The following PDE1A variants were observed in gnomAD, a reference collection of about 807,000 sequenced individuals.
PDE1A encodes dual specificity calcium/calmodulin-dependent 3',5'-cyclic nucleotide phosphodiesterase 1A.
Under a neutral mutation model 61.7 loss-of-function variants are expected in PDE1A, and 35 were observed. That is an observed-to-expected ratio of 0.57 (90% CI 0.43 to 0.75). The LOEUF (loss-of-function observed/expected upper bound fraction) is 0.75. PDE1A is among the 30% of genes least tolerant of loss of function. The probability of loss-of-function intolerance (pLI) is 0.00; values close to 1 mark genes in which losing one functional copy is unlikely to be tolerated. For missense variants in PDE1A, 597 were observed against 630.6 expected, an observed-to-expected ratio of 0.95 and a Z score of 0.57; for synonymous variants, 232 against 213.2, an observed-to-expected ratio of 1.09 and a Z score of -0.77.
At chr2:182,255,898 T>G (rs1307112891) in intron 2 of PDE1A, among the ~76,000 whole-genome samples, 1 of 151,672 alleles carries the variant, frequency 6.6e-6, no homozygotes, top group Non-Finnish European at 1.5e-5. Context: ...CCTTGTGATC[T>G]GCTGACCTAA....
chr2:182,561,748 G>A, the PDE1A span, among the ~76,000 whole-genome samples: 5 of 151,906 alleles, frequency 3.3e-5, no homozygotes, highest in Non-Finnish European at 7.4e-5. Flanking sequence ...GTGGTTTGTA[G>A]TTCTCCTTGA....
chr2:182,166,130 C>T (rs1019431507), downstream of PDE1A, among the ~76,000 whole-genome samples: 1 of 152,024 alleles, frequency 6.6e-6, no homozygotes, highest in Non-Finnish European at 1.5e-5. Context: ...AAGGGGTAGA[C>T]TTGTGATGGG....
At chr2:182,250,673 T>C (rs140434644) in intron 2 of PDE1A, among the ~76,000 whole-genome samples, 96 of 152,122 alleles carry the variant, frequency 6.3e-4, no homozygotes, top group African/African-American at 2.2e-3. Flanking sequence ...TGTACATGAG[T>C]GACTATGAAG....
intron 2 of PDE1A, among the ~76,000 whole-genome samples, chr2:182,436,322 A>G (rs143445288): frequency 0.013 from 1,963 of 152,104 alleles, 27 homozygotes; most frequent in South Asian, 0.047. Flanking sequence ...TATCATTACT[A>G]TTAATTGTTC....
At chr2:182,232,469 C>CA (rs759762466) in intron 4 of PDE1A, among the ~76,000 whole-genome samples, 15 of 152,222 alleles carry the variant, frequency 9.9e-5, no homozygotes, top group Admixed American at 6.5e-4. Context: ...ATGCTAGAAC[C>CA]AAACTAAAAA....
At chr2:182,439,176 G>T (rs958698608) in intron 2 of PDE1A, among the ~76,000 whole-genome samples, 1 of 151,988 alleles carries the variant, frequency 6.6e-6, no homozygotes, top group Non-Finnish European at 1.5e-5. Flanking sequence ...AAGTATAATG[G>T]TAAGTTTATT....
chr2:182,307,357 C>T (rs1310650366), intron 1 of PDE1A, among the ~76,000 whole-genome samples: 3 of 152,082 alleles, frequency 2.0e-5, no homozygotes, highest in Non-Finnish European at 2.9e-5. Flanking sequence ...TCTCACAGGA[C>T]TGTGTTTTTG....
chr2:182,192,035 T>C (rs1190871058), intron 10 of PDE1A, among the ~76,000 whole-genome samples: 1 of 151,902 alleles, frequency 6.6e-6, no homozygotes, highest in Non-Finnish European at 1.5e-5. Flanking sequence ...TTTTATATTT[T>C]TAGTAGAGAT....
chr2:182,293,175 T>C (rs1694651043), intron 1 of PDE1A, among the ~76,000 whole-genome samples: 1 of 151,952 alleles, frequency 6.6e-6, no homozygotes, highest in Non-Finnish European at 1.5e-5. Context: ...TAAGAATTAT[T>C]TAAGAATTAC....
intron 1 of PDE1A, among the ~76,000 whole-genome samples, chr2:182,342,805 T>TG (rs1211397225): frequency 4.6e-5 from 7 of 152,252 alleles, no homozygotes; most frequent in African/African-American, 1.2e-4. Context: ...TAATTTCATA[T>TG]GGAACTCTTT....
At chr2:182,157,238 C>T (rs561556962) in intron 13 of PDE1A, among the ~76,000 whole-genome samples, 5 of 151,984 alleles carry the variant, frequency 3.3e-5, no homozygotes, top group Non-Finnish European at 5.9e-5. Flanking sequence ...TGGTCTCAAA[C>T]TCCTGACCTC....
At chr2:182,374,832 T>G (rs753138983) in intron 1 of PDE1A, among the ~76,000 whole-genome samples, 2 of 152,162 alleles carry the variant, frequency 1.3e-5, no homozygotes, top group Non-Finnish European at 2.9e-5. Context: ...ACTGGGCAAT[T>G]TACAAAAGAA....
intron 3 of PDE1A, among the ~76,000 whole-genome samples, chr2:182,235,463 C>G (rs987878882): frequency 2.0e-5 from 3 of 152,150 alleles, no homozygotes; most frequent in African/African-American, 7.2e-5. Context: ...TTTTAATAAT[C>G]AGTGATTTGA....
intron 2 of PDE1A, among the ~76,000 whole-genome samples, chr2:182,507,751 T>A (rs994396503): frequency 4.6e-5 from 7 of 152,342 alleles, no homozygotes; most frequent in Non-Finnish European, 1.0e-4. Context: ...AGCAGAGATT[T>A]GCTAGGAAAT....
chr2:182,509,811 T>C (rs572724676), intron 2 of PDE1A, among the ~76,000 whole-genome samples: 1 of 152,224 alleles, frequency 6.6e-6, no homozygotes, highest in Non-Finnish European at 1.5e-5. Context: ...TTGCTCCAAA[T>C]ACAGCTTATT....
the PDE1A span, among the ~76,000 whole-genome samples, chr2:182,543,589 T>C: frequency 6.6e-6 from 1 of 151,120 alleles, no homozygotes; most frequent in Admixed American, 6.6e-5. Flanking sequence ...GGTTATTTTA[T>C]TTTGAACATT....
chr2:182,578,356 C>G, the PDE1A span, among the ~76,000 whole-genome samples: 2 of 152,062 alleles, frequency 1.3e-5, no homozygotes, highest in Admixed American at 6.6e-5. Context: ...GAGTTTCTTA[C>G]AAATTTTATT....
chr2:182,708,523 G>A, the PDE1A span, among the ~76,000 whole-genome samples: 1 of 152,142 alleles, frequency 6.6e-6, no homozygotes, highest in Non-Finnish European at 1.5e-5. Flanking sequence ...TATAAAGGAA[G>A]GAGGTTTAAT....
At chr2:182,492,841 G>T (rs982774229) in intron 2 of PDE1A, among the ~76,000 whole-genome samples, 1 of 152,184 alleles carries the variant, frequency 6.6e-6, no homozygotes, top group South Asian at 2.1e-4. Context: ...TTCTCAGAAA[G>T]ATTCTGTGAC....
Sources: allele counts gnomAD v4.1 joint callset (sites outside exome capture counted in the v4.1 genomes callset), GRCh38; gene constraint gnomAD v4.1.1; transcripts MANE v1.5; gene names NCBI Gene and HGNC (gene_info 2026-07-23, HGNC 2026-07-21).